SLC35D4: variants seen among roughly 807,000 people sequenced by gnomAD.
The protein encoded by SLC35D4 is solute carrier family 35 member D4.
the SLC35D4 span, among the ~76,000 whole-genome samples, chr18:23,334,376 G>C: frequency 6.6e-6 from 1 of 152,152 alleles, no homozygotes; most frequent in African/African-American, 2.4e-5. Context: ...TGGAAATGTG[G>C]CCAGGGAGAC....
the SLC35D4 span, chr18:23,371,399 A>C: frequency 1.3e-6 from 2 of 1,551,400 alleles, no homozygotes; most frequent in Non-Finnish European, 1.7e-6. Context: ...CCAGCCTTAC[A>C]TAATAATTCT....
At chr18:23,248,698 G>A in the SLC35D4 span, among the ~76,000 whole-genome samples, 328 of 152,152 alleles carry the variant, frequency 2.2e-3, 1 homozygote, top group Non-Finnish European at 4.0e-3. Flanking sequence ...GGTGGCGCAT[G>A]CCTGTAATCC....
the SLC35D4 span, chr18:23,356,705 T>A: frequency 1.3e-6 from 2 of 1,594,112 alleles, no homozygotes; most frequent in Non-Finnish European, 1.7e-6. The surrounding 1 kb of genome is among the most constrained non-coding windows in gnomAD (Gnocchi z 4.1). Flanking sequence ...CCATGAGGCC[T>A]CACATGACCC....
the SLC35D4 span, among the ~76,000 whole-genome samples, chr18:23,285,830 C>A: frequency 6.6e-5 from 10 of 152,282 alleles, no homozygotes; most frequent in South Asian, 4.1e-4. Context: ...AGCCCTCCCC[C>A]ACCCGCCCAG....
the SLC35D4 span, among the ~76,000 whole-genome samples, chr18:23,293,217 C>T: frequency 6.6e-6 from 1 of 152,108 alleles, no homozygotes; most frequent in African/African-American, 2.4e-5. Context: ...GCACTCCAGC[C>T]TGGGTGACAA....
At chr18:23,276,218 G>C in the SLC35D4 span, among the ~76,000 whole-genome samples, 1 of 151,834 alleles carries the variant, frequency 6.6e-6, no homozygotes, top group African/African-American at 2.4e-5. Flanking sequence ...CTCCCGAGTA[G>C]CTGGGACTAC....
the SLC35D4 span, among the ~76,000 whole-genome samples, chr18:23,409,170 T>A: frequency 1.3e-5 from 2 of 152,106 alleles, no homozygotes; most frequent in Admixed American, 1.3e-4. Flanking sequence ...GTAGTATCTA[T>A]CTATACCATA....
the SLC35D4 span, among the ~76,000 whole-genome samples, chr18:23,383,645 A>C: frequency 6.6e-6 from 1 of 152,018 alleles, no homozygotes; most frequent in Non-Finnish European, 1.5e-5. Flanking sequence ...GTGCACGGGC[A>C]AGGCAGCTTG....
At chr18:23,387,404 G>T in the SLC35D4 span, among the ~76,000 whole-genome samples, 6 of 152,248 alleles carry the variant, frequency 3.9e-5, no homozygotes, top group East Asian at 1.2e-3. Context: ...CTGCCAAGAG[G>T]AACGACCCAA....
At chr18:23,408,141 G>T in the SLC35D4 span, among the ~76,000 whole-genome samples, 1 of 83,556 alleles carries the variant, frequency 1.2e-5, no homozygotes, top group East Asian at 4.1e-4. Flanking sequence ...CCTATCCACT[G>T]GCCTGAGACA....
the SLC35D4 span, among the ~76,000 whole-genome samples, chr18:23,255,387 G>A: frequency 6.6e-6 from 1 of 152,072 alleles, no homozygotes; most frequent in African/African-American, 2.4e-5. Context: ...ACTAAGGTAG[G>A]TACTCCCCAA....
the SLC35D4 span, among the ~76,000 whole-genome samples, chr18:23,364,901 TCAAAAAAAAAAAA>T: frequency 5.3e-5 from 1 of 19,020 alleles, no homozygotes; most frequent in African/African-American, 3.9e-4. Context: ...AGACTCTGTC[TCAAAAAAAAAAAA>T]AAAAAAAAAA....
chr18:23,313,083 C>T, the SLC35D4 span, among the ~76,000 whole-genome samples: 3 of 135,570 alleles, frequency 2.2e-5, no homozygotes, highest in Non-Finnish European at 3.1e-5. Context: ...GCCGAGATCA[C>T]GCCACTGCAC....
chr18:23,373,778 A>G, the SLC35D4 span: 8 of 1,611,668 alleles, frequency 5.0e-6, no homozygotes, highest in Non-Finnish European at 6.8e-6. Context: ...GGAGAGGGAG[A>G]TAAAACACTG....
chr18:23,417,329 G>T, the SLC35D4 span, among the ~76,000 whole-genome samples: 1 of 152,034 alleles, frequency 6.6e-6, no homozygotes. Context: ...TGTAGACATT[G>T]TTCAGCCTCC....
At chr18:23,240,552 T>C in the SLC35D4 span, among the ~76,000 whole-genome samples, 57 of 152,356 alleles carry the variant, frequency 3.7e-4, no homozygotes, top group African/African-American at 1.2e-3. Context: ...TAGGCTAGTG[T>C]GAGGATCTCT....
At chr18:23,309,330 C>CAT in the SLC35D4 span, among the ~76,000 whole-genome samples, 5 of 151,352 alleles carry the variant, frequency 3.3e-5, no homozygotes, top group African/African-American at 9.7e-5. Flanking sequence ...CATATACATA[C>CAT]ATATATATAC....
At chr18:23,289,010 C>A in the SLC35D4 span, among the ~76,000 whole-genome samples, 1 of 152,192 alleles carries the variant, frequency 6.6e-6, no homozygotes, top group Non-Finnish European at 1.5e-5. Flanking sequence ...AGCTCCTGTA[C>A]GGACGCTCCT....
At chr18:23,345,462 AC>A in the SLC35D4 span, among the ~76,000 whole-genome samples, 34 of 139,434 alleles carry the variant, frequency 2.4e-4, no homozygotes, top group African/African-American at 9.0e-4. Context: ...AGCCTGGGCG[AC>A]AGAGGGAGAC....
Sources: gnomAD v4.1 joint callset for allele counts (sites outside exome capture counted in the v4.1 genomes callset) on GRCh38, gnomAD v4.1.1 for gene constraint, Gnocchi (gnomAD v3.1) non-coding constraint, MANE v1.5 for transcripts, NCBI Gene and HGNC (gene_info 2026-07-23, HGNC 2026-07-21) for gene names.